Variants in DLG2 observed in about 807,000 individuals in gnomAD.
DLG2 encodes the protein disks large homolog 2.
In DLG2, 45 loss-of-function variants were observed where a neutral mutation model predicts 132.5. The ratio of observed to expected loss-of-function variants is 0.34; its 90% CI spans 0.27 to 0.44. DLG2 has a LOEUF of 0.44. Among genes scored for constraint, DLG2 ranks in the 20% least tolerant of loss-of-function variants. The probability of loss-of-function intolerance (pLI) is 1.00; values close to 1 mark genes in which losing one functional copy is unlikely to be tolerated. For synonymous variants in DLG2, 424 were observed against 419.6 expected (o/e 1.01, Z -0.13); for missense variants, 1,045 against 1,196.9 (o/e 0.87, Z 1.87).
intron 10 of DLG2, among the ~76,000 whole-genome samples, chr11:84,069,605 C>T (rs2096727191): frequency 6.6e-6 from 1 of 152,182 alleles, no homozygotes; most frequent in African/African-American, 2.4e-5. Context: ...GTTTATGATC[C>T]ATAGAAGCCA....
At chr11:85,279,378 A>G (rs140932294) in intron 4 of DLG2, among the ~76,000 whole-genome samples, 62 of 152,248 alleles carry the variant, frequency 4.1e-4, no homozygotes, top group African/African-American at 1.4e-3. Context: ...AGAAGAGAGG[A>G]AAGGAAAAGA....
At chr11:84,170,139 T>C (rs537698861) in intron 8 of DLG2, among the ~76,000 whole-genome samples, 75 of 152,240 alleles carry the variant, frequency 4.9e-4, no homozygotes, top group African/African-American at 1.8e-3. Flanking sequence ...TAGACCCAAG[T>C]CACCTATGAA....
At chr11:85,577,813 A>G (rs938328880) in intron 3 of DLG2, among the ~76,000 whole-genome samples, 7 of 152,142 alleles carry the variant, frequency 4.6e-5, no homozygotes, top group African/African-American at 9.7e-5. Flanking sequence ...TGGCCATACT[A>G]CCCAAAGCAA....
chr11:84,563,414 A>G (rs188613555), intron 6 of DLG2, among the ~76,000 whole-genome samples: 2 of 152,278 alleles, frequency 1.3e-5, no homozygotes, highest in East Asian at 3.9e-4. Flanking sequence ...TCCTTCTAAC[A>G]TAATTAGTGA....
chr11:84,988,802 T>C (rs1274419540), intron 6 of DLG2, among the ~76,000 whole-genome samples: 1 of 151,940 alleles, frequency 6.6e-6, no homozygotes, highest in Non-Finnish European at 1.5e-5. Flanking sequence ...TGCACCAAAA[T>C]CTCACAAATC....
chr11:84,968,742 G>A (rs1346131640), intron 6 of DLG2, among the ~76,000 whole-genome samples: 1 of 152,142 alleles, frequency 6.6e-6, no homozygotes, highest in Admixed American at 6.6e-5. Context: ...TGTTTTATAC[G>A]TGGGAAAATT....
chr11:83,563,224 G>A (rs1196406684), intron 19 of DLG2, among the ~76,000 whole-genome samples: 4 of 152,038 alleles, frequency 2.6e-5, no homozygotes, highest in East Asian at 1.9e-4. Context: ...TGATCCGCCC[G>A]CCTCGGCCTC....
intron 6 of DLG2, among the ~76,000 whole-genome samples, chr11:84,811,770 G>C (rs2076585990): frequency 6.6e-6 from 1 of 152,002 alleles, no homozygotes; most frequent in African/African-American, 2.4e-5. Flanking sequence ...AACTATGCTA[G>C]GCCATAGATA....
At chr11:84,209,632 G>C (rs886664248) in intron 8 of DLG2, among the ~76,000 whole-genome samples, 9 of 150,898 alleles carry the variant, frequency 6.0e-5, no homozygotes, top group Non-Finnish European at 1.2e-4. Context: ...AAAAAAATTT[G>C]TTCGTGAAGA....
chr11:83,965,203 C>A lies in DLG2; in HGVS notation c.1201+121G>T, dbSNP rs748738001. On this transcript the variant is annotated intron_variant, in intron 13 of 27. Coordinates refer to ENST00000376104, the MANE Select transcript of DLG2 (RefSeq NM_001142699.3). The stretch of plus-strand genomic sequence containing the variant: ...AGGAGTGGAGTTTAGGATACTCCCT[C>A]TGAAGTATTTCCAGAAGTTAACCAA... The A allele has an allele frequency of 5.3e-5, 59 of 1,110,780 alleles. 3 individuals are homozygous for A. The South Asian group carries it at 9.1e-4, about 17-fold the overall frequency. 68.8% of individuals were successfully genotyped at this position (1,110,780 alleles called of 1,614,324 possible).
chr11:85,614,627 T>C (rs958037671), intron 2 of DLG2, among the ~76,000 whole-genome samples: 9 of 151,886 alleles, frequency 5.9e-5, no homozygotes, highest in Admixed American at 5.3e-4. Flanking sequence ...GCAACGAGAG[T>C]GCAACTCCAT....
At chr11:85,229,775 T>C (rs1403820754) in intron 4 of DLG2, among the ~76,000 whole-genome samples, 1 of 152,108 alleles carries the variant, frequency 6.6e-6, no homozygotes, top group African/African-American at 2.4e-5. Context: ...ATAAAGAATA[T>C]GTGGCACATA....
At chr11:84,157,508 G>A (rs1394861207) in intron 9 of DLG2, among the ~76,000 whole-genome samples, 1 of 152,094 alleles carries the variant, frequency 6.6e-6, no homozygotes, top group Non-Finnish European at 1.5e-5. Context: ...ATAGTTCTCT[G>A]CAGCTTCAGA....
chr11:83,807,398 C>T (rs1022088914), intron 17 of DLG2, among the ~76,000 whole-genome samples: 38 of 152,162 alleles, frequency 2.5e-4, no homozygotes, highest in Admixed American at 1.3e-4. Flanking sequence ...AGAATTGCTG[C>T]TCCCTGCAGA....
chr11:84,475,635 T>A (rs971196263), intron 7 of DLG2, among the ~76,000 whole-genome samples: 1 of 152,102 alleles, frequency 6.6e-6, no homozygotes. Flanking sequence ...ATAGATATCA[T>A]GCTACAAATC....
chr11:84,964,128 G>T (rs866921541), intron 6 of DLG2, among the ~76,000 whole-genome samples: 1 of 151,934 alleles, frequency 6.6e-6, no homozygotes, highest in East Asian at 1.9e-4. Flanking sequence ...ATTAATTTAC[G>T]ATTCAAAGAA....
At chr11:84,116,500 A>G (rs548754709) in intron 9 of DLG2, among the ~76,000 whole-genome samples, 30 of 152,144 alleles carry the variant, frequency 2.0e-4, no homozygotes, top group Non-Finnish European at 3.8e-4. Flanking sequence ...GGTGGCAGGC[A>G]CGAGAGCCTG....
chr11:85,501,275 G>C (rs1046400505), intron 3 of DLG2, among the ~76,000 whole-genome samples: 3 of 152,076 alleles, frequency 2.0e-5, no homozygotes, highest in African/African-American at 7.2e-5. Flanking sequence ...AACTCAACAT[G>C]GACCAAAGAC....
At chr11:83,829,821 T>C (rs902088689) in intron 17 of DLG2, among the ~76,000 whole-genome samples, 4 of 152,122 alleles carry the variant, frequency 2.6e-5, no homozygotes, top group African/African-American at 7.2e-5. Context: ...TATGTACACA[T>C]GTGCCATGTT....
Sources: gnomAD v4.1 joint callset for allele counts (sites outside exome capture counted in the v4.1 genomes callset) on GRCh38, gnomAD v4.1.1 for gene constraint, MANE v1.5 for transcripts, NCBI Gene and HGNC (gene_info 2026-07-23, HGNC 2026-07-21) for gene names.